AZI2: variants seen among roughly 807,000 people sequenced by gnomAD.
AZI2 encodes 5-azacytidine induced 2, also known as 5-azacytidine-induced protein 2.
A neutral mutation model predicts 45.8 loss-of-function variants in AZI2; 22 were observed. The ratio of observed to expected loss-of-function variants is 0.48; its 90% CI spans 0.34 to 0.69. The LOEUF is 0.69. Ranked by LOEUF, AZI2 falls within the 30% of genes least tolerant of loss-of-function variation. The pLI is 0.01. For synonymous variants in AZI2, 137 were observed against 156.7 expected (o/e 0.87, Z 0.94); for missense variants, 417 against 441.5 (o/e 0.94, Z 0.50).
intron 6 of AZI2, among the ~76,000 whole-genome samples, chr3:28,328,942 C>T (rs1703482190): frequency 6.6e-6 from 1 of 151,166 alleles, no homozygotes; most frequent in African/African-American, 2.4e-5. Flanking sequence ...TCCAATTAAA[C>T]CTCTTATCTA....
chr3:28,340,309 C>A (rs1703961444), intron 2 of AZI2, 93 bp downstream of exon 2: 2 of 862,404 alleles, frequency 2.3e-6, no homozygotes, highest in Middle Eastern at 3.6e-4. Flanking sequence ...TTAGTACAAT[C>A]ATGGAAGACA....
chr3:28,345,037 C>T (rs1308666424), intron 1 of AZI2, among the ~76,000 whole-genome samples: 2 of 152,110 alleles, frequency 1.3e-5, no homozygotes, highest in East Asian at 1.9e-4. Context: ...CTGGAGATGA[C>T]TGAGGGCAGT....
At chr3:28,337,733 C>T (rs1703849127) in intron 4 of AZI2, among the ~76,000 whole-genome samples, 1 of 151,964 alleles carries the variant, frequency 6.6e-6, no homozygotes, top group Admixed American at 6.6e-5. Context: ...CACATTTTCT[C>T]TAGGAAAAGT....
intron 5 of AZI2, among the ~76,000 whole-genome samples, chr3:28,333,339 G>A (rs1284082758): frequency 6.6e-6 from 1 of 151,532 alleles, no homozygotes; most frequent in African/African-American, 2.4e-5. Context: ...TAACAGTTAA[G>A]TTAAATCTTA....
chr3:28,338,269 A>C (rs180960812), intron 3 of AZI2, among the ~76,000 whole-genome samples: 15 of 152,134 alleles, frequency 9.9e-5, no homozygotes, highest in African/African-American at 3.6e-4. Flanking sequence ...TTTTCAAAAT[A>C]AGTCGGTGGT....
Position 28,322,951 on chromosome 3 carries a change from A to G in AZI2, c.*1091T>C, listed in dbSNP as rs937953459. On this transcript the variant is annotated 3_prime_UTR_variant, in exon 8 of 8. Coordinates refer to ENST00000479665, the MANE Select transcript of AZI2 (RefSeq NM_022461.5). ...GAACCAAGTAAATCTCCACCCTGAAAGAACTTAAATTTCCATGTGAAGCCA... is the reference window on the plus strand; with the variant it reads ...GAACCAAGTAAATCTCCACCCTGAAGGAACTTAAATTTCCATGTGAAGCCA... 1.3e-4 allele frequency: 19 copies of G among 151,290 alleles called. No individual in the cohort carries two copies. The highest frequency in any genetic ancestry group is 4.6e-4 in the African/African-American group (19 of 41,432). The allele number at this position is 151,290 out of a possible 1,614,324, so 9.4% of individuals were successfully genotyped here.
At chr3:28,347,386 G>C (rs1421518565) in intron 1 of AZI2, among the ~76,000 whole-genome samples, 2 of 152,090 alleles carry the variant, frequency 1.3e-5, no homozygotes, top group Non-Finnish European at 2.9e-5. Context: ...ATACCTCTGA[G>C]GTTGTAAAGA....
rs759804497 is a variant in AZI2 at position 28,324,101 on chromosome 3, TG to T, written c.1119del (p.Asn374ThrfsTer52). The T allele has an allele frequency of 6.2e-7, 1 of 1,610,220 alleles. No homozygotes were observed. The highest frequency in any genetic ancestry group is 8.5e-7 in the Non-Finnish European group (1 of 1,177,332). ...TCCAAGTAATGCAGTGGTGGAAGGT[TG>T]GGTAAAGGCAAAGTTTTAGTTTTAG... is the stretch of plus-strand genomic sequence containing the variant. The part of the protein sequence containing the change: ...GETKTKTLPL[P>X]NLPPLHYLDQ... On this transcript the variant is annotated frameshift_variant, in exon 8 of 8. Coordinates refer to ENST00000479665, the MANE Select transcript of AZI2 (RefSeq NM_022461.5). LOFTEE classifies it high-confidence loss of function.
chr3:28,337,812 T>C (rs1388974530), intron 4 of AZI2, 125 bp downstream of exon 4: 1 of 520,654 alleles, frequency 1.9e-6, no homozygotes, highest in African/African-American at 2.0e-5. Flanking sequence ...GAAATTAACA[T>C]AAACCTAAAA....
At chr3:28,347,237 A>C (rs1457487579) in intron 1 of AZI2, among the ~76,000 whole-genome samples, 2 of 152,224 alleles carry the variant, frequency 1.3e-5, no homozygotes, top group African/African-American at 4.8e-5. Context: ...AAACTTCAGC[A>C]TTTTACTTAA....
chr3:28,336,505 C>A (rs1227333668), intron 5 of AZI2, among the ~76,000 whole-genome samples: 1 of 151,848 alleles, frequency 6.6e-6, no homozygotes, highest in African/African-American at 2.4e-5. Context: ...AAAAATCAAC[C>A]TTTTAAAAAA....
chr3:28,327,439 T>A (rs1162794398), intron 6 of AZI2, among the ~76,000 whole-genome samples: 1 of 150,974 alleles, frequency 6.6e-6, no homozygotes, highest in East Asian at 1.9e-4. Flanking sequence ...AAAATAAAAT[T>A]TAGGTTTCAT....
Position 28,324,371 on chromosome 3 carries a change from T to C in AZI2, c.850A>G (p.Arg284Gly), listed in dbSNP as rs1448918532. The C allele has an allele frequency of 1.3e-6, 2 of 1,579,508 alleles. No homozygotes were observed. The highest frequency in any genetic ancestry group is 3.6e-5 in the Admixed American group (2 of 55,636). The change falls in exon 8 of 8, where the codon AGA becomes GGA. Residue 284 changes from arginine (R) to glycine (G), a missense_variant. Transcript: ENST00000479665. ...HLMNFTATYT[R>G]HPPLLPNGKA... ...CCATTTGGTAAGAGAGGGGGATGTC[T>C]TGTGTATGTTGCAGTAAAATTCATC...
At chr3:28,333,018 T>G (rs2125647912) in intron 5 of AZI2, among the ~76,000 whole-genome samples, 1 of 151,896 alleles carries the variant, frequency 6.6e-6, no homozygotes, top group South Asian at 2.1e-4. Flanking sequence ...AAGATATTTT[T>G]AAATGACTTA....
chr3:28,325,291 C>T (rs1559455156), intron 7 of AZI2: 1 of 150,994 alleles, frequency 6.6e-6, no homozygotes, highest in Non-Finnish European at 1.5e-5. Flanking sequence ...TAAGTTTATC[C>T]TTAGCTCAAG....
chr3:28,340,082 A>C (rs182341809), intron 2 of AZI2, among the ~76,000 whole-genome samples: 1 of 151,772 alleles, frequency 6.6e-6, no homozygotes, highest in East Asian at 1.9e-4. Context: ...CTTTGTTGGT[A>C]TATCTTTTTT....
At chr3:28,338,432 C>A in intron 3 of AZI2, 61 bp downstream of exon 3, 3 of 1,470,070 alleles carry the variant, frequency 2.0e-6, no homozygotes, top group Admixed American at 2.0e-5. Context: ...TAATTTTAAA[C>A]CTCTTGAAGG....
In AZI2 at chr3:28,338,612, T is replaced by C. The variant is rs1348290433; in HGVS notation, c.220A>G (p.Ile74Val). 7.5e-6 allele frequency: 12 copies of C among 1,608,536 alleles called. No individual in the cohort carries two copies. Among genetic ancestry groups the C allele is most frequent in the Non-Finnish European group, 1.0e-5 (12 of 1,177,566 alleles). ...KRIRFLEEKL[I>V]ARFEEETSSV... is the part of the protein sequence containing the mutation. ...CTTGTTTCTTCTTCAAATCGAGCTA[T>C]TAGCTAACGGTATGAAATTAGAAGA... The change falls in exon 3 of 8, where the codon ATA becomes GTA. Residue 74 changes from isoleucine to valine, a missense_variant. Transcript: ENST00000479665.
At chr3:28,335,034 G>A (rs920870513) in intron 5 of AZI2, among the ~76,000 whole-genome samples, 12 of 151,998 alleles carry the variant, frequency 7.9e-5, no homozygotes, top group African/African-American at 2.9e-4. Flanking sequence ...AAGTAAAAGA[G>A]ATACTGGATC....
Sources: allele counts gnomAD v4.1 joint callset (sites outside exome capture counted in the v4.1 genomes callset), GRCh38; gene constraint gnomAD v4.1.1; transcripts MANE v1.5; gene names NCBI Gene and HGNC (gene_info 2026-07-23, HGNC 2026-07-21).